Variants in SNX19 observed in about 807,000 individuals in gnomAD.
SNX19 encodes the protein sorting nexin 19, also known as sorting nexin-19.
SNX19 carries 60 observed loss-of-function variants against 85.2 expected under a neutral mutation model. The observed-to-expected ratio is 0.70, with a 90% CI of 0.57 to 0.87. SNX19 has a LOEUF of 0.87. Ranked by LOEUF, SNX19 falls within the 40% of genes least tolerant of loss-of-function variation. The pLI is 0.00. For synonymous variants in SNX19, 520 were observed against 470.0 expected (o/e 1.11, Z -1.38); for missense variants, 1,201 against 1,217.8 (o/e 0.99, Z 0.21).
In SNX19 at chr11:130,879,727, C is replaced by CA; in HGVS notation, c.2759-17dup. The CA allele has an allele frequency of 6.2e-7, 1 of 1,611,464 alleles. No homozygotes were observed. The highest frequency in any genetic ancestry group is 1.3e-5 in the African/African-American group (1 of 74,956). On this transcript the variant is annotated splice_polypyrimidine_tract_variant and intron_variant, in intron 9 of 10. Transcript: ENST00000265909. ...ACTACGAGATCTGAGGAGGAAAAAA[C>CA]AGATGGAATTTGCGTGTTATCACTG...
At chr11:130,911,509 T>G in intron 2 of SNX19, 124 bp downstream of exon 2, 1 of 1,525,096 alleles carries the variant, frequency 6.6e-7, no homozygotes, top group Non-Finnish European at 8.8e-7. Flanking sequence ...CTGAAGCAAA[T>G]CCAGGGAGCA....
At chr11:130,911,898 A>G (rs1478897715) in intron 1 of SNX19, 127 bp from the exon 2 acceptor site, 5 of 903,182 alleles carry the variant, frequency 5.5e-6, no homozygotes, top group Non-Finnish European at 8.6e-6. Context: ...GGGAGGGAGT[A>G]TGTTCCTATT....
At chr11:130,885,020 C>T (rs543937028) in intron 8 of SNX19, among the ~76,000 whole-genome samples, 2 of 152,192 alleles carry the variant, frequency 1.3e-5, no homozygotes, top group African/African-American at 4.8e-5. Context: ...TTATTTTCCA[C>T]TACTATTCCA....
At chr11:130,884,607 C>G (rs549885177) in intron 8 of SNX19, among the ~76,000 whole-genome samples, 20 of 152,246 alleles carry the variant, frequency 1.3e-4, no homozygotes, top group African/African-American at 4.1e-4. Flanking sequence ...GTGGCTCACA[C>G]CTGTAATCCC....
chr11:130,879,971 A>G (rs915595934), intron 9 of SNX19, among the ~76,000 whole-genome samples: 1 of 152,202 alleles, frequency 6.6e-6, no homozygotes, highest in Non-Finnish European at 1.5e-5. Flanking sequence ...ACTCCTTCCA[A>G]TGTAACAGTT....
At chr11:130,906,852 A>C in intron 5 of SNX19, 131 bp from the exon 6 acceptor site, 1 of 674,480 alleles carries the variant, frequency 1.5e-6, no homozygotes, top group Non-Finnish European at 2.6e-6. Context: ...TACTGTGGTC[A>C]GAGCTGCCAG....
chr11:130,901,488 G>A (rs140757694), intron 8 of SNX19, among the ~76,000 whole-genome samples: 1,639 of 152,170 alleles, frequency 0.011, 29 homozygotes, highest in African/African-American at 0.037. Context: ...CACATGGAAG[G>A]AACAGGGAAA....
chr11:130,900,359 A>G (rs945484370), intron 8 of SNX19, among the ~76,000 whole-genome samples: 1 of 152,178 alleles, frequency 6.6e-6, no homozygotes, highest in East Asian at 1.9e-4. Context: ...AATGAAAAAG[A>G]AAGAAGTCTC....
Position 130,914,485 on chromosome 11 carries a change from C to G in SNX19, c.1455G>C (p.Lys485Asn), listed in dbSNP as rs979031783. Reference protein sequence around the residue: ...TCPSRPSCLEKDLTNDVSSLD... With the variant: ...TCPSRPSCLENDLTNDVSSLD... ...GGGAGCTCACATCATTGGTGAGATC[C>G]TTCTCTAAGCATGACGGCCGTGAGG... The change falls in exon 1 of 11, where the codon AAG (lysine) becomes AAC (asparagine). Residue 485 changes from lysine to asparagine, a missense_variant. Coordinates refer to ENST00000265909, the MANE Select transcript of SNX19 (RefSeq NM_014758.3). The G allele has an allele frequency of 3.1e-6, 5 of 1,613,738 alleles. No homozygotes were observed. In the African/African-American group the frequency reaches 4.0e-5, roughly 13 times the overall value.
intron 8 of SNX19, among the ~76,000 whole-genome samples, chr11:130,883,059 A>G (rs915170161): frequency 6.6e-6 from 1 of 152,184 alleles, no homozygotes; most frequent in African/African-American, 2.4e-5. Context: ...GCATTAGGAC[A>G]AGGATATCCT....
rs1482700739 is a variant in SNX19 at position 130,866,739 on chromosome 11, T to C, written c.*11683A>G. 4 of 152,284 alleles carry C rather than the reference T, an allele frequency of 2.6e-5. No homozygotes were observed. In the East Asian group the frequency reaches 5.8e-4, roughly 22 times the overall value. The allele number at this position is 152,284 out of a possible 1,614,324, so 9.4% of individuals were successfully genotyped here. On this transcript the variant is annotated 3_prime_UTR_variant, in exon 11 of 11. Coordinates refer to ENST00000265909, the MANE Select transcript of SNX19 (RefSeq NM_014758.3). ...CTAGACTTACTGAACAGAAAGACCTTGGGTGAACTTTTCATTGAAACACTG... is the reference window on the plus strand; with the variant it reads ...CTAGACTTACTGAACAGAAAGACCTCGGGTGAACTTTTCATTGAAACACTG...
intron 8 of SNX19, among the ~76,000 whole-genome samples, chr11:130,898,473 C>T (rs1449944909): frequency 1.3e-5 from 2 of 152,142 alleles, no homozygotes; most frequent in African/African-American, 4.8e-5. Flanking sequence ...AAGCACGGAA[C>T]TTAAAGGAAG....
intron 8 of SNX19, chr11:130,893,856 G>A: frequency 1.4e-6 from 1 of 701,274 alleles, no homozygotes; most frequent in Non-Finnish European, 2.6e-6. Context: ...TAGAGCTAAA[G>A]TATATTTCCC....
In SNX19 at chr11:130,870,529, G is replaced by A. The variant is rs11222368; in HGVS notation, c.*7893C>T. ...ACACGCAAGATGTACAAAGCTGTCT[G>A]GGGCAGGTCTGGTACAGACTAGCCA... On this transcript the variant is annotated 3_prime_UTR_variant, in exon 11 of 11. Transcript: ENST00000265909. Among the ~76,000 whole-genome samples the A allele has an allele frequency of 0.037, 5,579 of 152,292 alleles. 146 individuals are homozygous for A. The highest frequency in any genetic ancestry group is 0.14 in the South Asian group (660 of 4,818).
At chr11:130,888,685 A>T (rs1390721161) in intron 8 of SNX19, among the ~76,000 whole-genome samples, 1 of 152,218 alleles carries the variant, frequency 6.6e-6, no homozygotes, top group African/African-American at 2.4e-5. Context: ...ACCATTTTTT[A>T]AAAAGGCAAG....
At chr11:130,887,241 T>C (rs1221510221) in intron 8 of SNX19, among the ~76,000 whole-genome samples, 3 of 152,194 alleles carry the variant, frequency 2.0e-5, no homozygotes, top group Non-Finnish European at 4.4e-5. Flanking sequence ...AATTAATATG[T>C]ATTAAAAAAT....
chr11:130,890,381 T>C (rs1157676856), intron 8 of SNX19, among the ~76,000 whole-genome samples: 1 of 152,160 alleles, frequency 6.6e-6, no homozygotes, highest in Non-Finnish European at 1.5e-5. Flanking sequence ...CTTTGGCCCC[T>C]TCAATTAATT....
Position 130,877,828 on chromosome 11 carries a change from G to C in SNX19, c.*594C>G, listed in dbSNP as rs1943352966. ...ATCTTCCATAAGGCTGATGTGTTGG[G>C]AAACAGCAACACATGAGCAAGAAGT... On this transcript the variant is annotated 3_prime_UTR_variant, in exon 11 of 11. Transcript: ENST00000265909. 6.6e-6 allele frequency: 1 copy of C among 152,594 alleles called. No homozygotes were observed. The allele number at this position is 152,594 out of a possible 1,614,324, so 9.5% of individuals were successfully genotyped here. A position where few individuals can be genotyped will look rare whatever the true frequency, so the allele number is the denominator to read the frequency against.
At chr11:130,879,746 A>G (rs1486582951) in intron 9 of SNX19, 35 bp from the exon 10 acceptor site, 1 of 1,590,040 alleles carries the variant, frequency 6.3e-7, no homozygotes, top group East Asian at 2.2e-5. Context: ...TTTGCGTGTT[A>G]TCACTGAAGT....
Sources: gnomAD v4.1 joint callset for allele counts (sites outside exome capture counted in the v4.1 genomes callset) on GRCh38, gnomAD v4.1.1 for gene constraint, MANE v1.5 for transcripts, NCBI Gene and HGNC (gene_info 2026-07-23, HGNC 2026-07-21) for gene names.